TXLNB: variants seen among roughly 807,000 people sequenced by gnomAD.
The protein encoded by TXLNB is taxilin beta, also known as beta-taxilin.
In TXLNB, 37 loss-of-function variants were observed where a neutral mutation model predicts 57.4. The ratio of observed to expected loss-of-function variants is 0.64; its 90% CI spans 0.50 to 0.85. TXLNB has a LOEUF of 0.85. Among genes scored for constraint, TXLNB ranks in the 40% least tolerant of loss-of-function variants. The probability of loss-of-function intolerance (pLI) is 0.00; values close to 1 mark genes in which losing one functional copy is unlikely to be tolerated. For synonymous variants in TXLNB, 302 were observed against 309.6 expected (o/e 0.98, Z 0.26); for missense variants, 848 against 825.6 (o/e 1.03, Z -0.33).
intron 2 of TXLNB, among the ~76,000 whole-genome samples, chr6:139,280,228 G>T (rs1281280270): frequency 6.9e-6 from 1 of 144,536 alleles, no homozygotes; most frequent in Non-Finnish European, 1.5e-5. Flanking sequence ...CTCCGGCCTG[G>T]CAACAGAGCA....
At chr6:139,232,643 A>G in the TXLNB span, among the ~76,000 whole-genome samples, 739 of 152,340 alleles carry the variant, frequency 4.9e-3, 7 homozygotes, top group Admixed American at 0.012. Flanking sequence ...CTTAATAGGT[A>G]TGAAACAGAT....
the TXLNB span, among the ~76,000 whole-genome samples, chr6:139,210,934 A>T: frequency 1.3e-5 from 2 of 152,168 alleles, no homozygotes; most frequent in Non-Finnish European, 2.9e-5. Flanking sequence ...AGGCTGGGGG[A>T]GGGGCACCTG....
chr6:139,193,847 T>A, the TXLNB span, among the ~76,000 whole-genome samples: 1,623 of 85,144 alleles, frequency 0.019, 15 homozygotes, highest in African/African-American at 0.024. Context: ...TATATTTTTT[T>A]TTTTTTTTTT....
the TXLNB span, among the ~76,000 whole-genome samples, chr6:139,210,662 G>A: frequency 4.9e-4 from 74 of 152,354 alleles, 1 homozygote; most frequent in Admixed American, 1.1e-3. Flanking sequence ...TGCACCGTGC[G>A]TGAGCCAAAG....
the TXLNB span, among the ~76,000 whole-genome samples, chr6:139,318,256 T>C: frequency 0.46 from 59,001 of 129,178 alleles, 14,481 homozygotes; most frequent in African/African-American, 0.7. Flanking sequence ...AGTGACAGAG[T>C]GAGACTCTGT....
At chr6:139,259,980 T>C (rs968407486) in intron 6 of TXLNB, among the ~76,000 whole-genome samples, 6 of 152,156 alleles carry the variant, frequency 3.9e-5, no homozygotes, top group Non-Finnish European at 7.3e-5. Flanking sequence ...CCCAGCACTT[T>C]GGGAGGCCGA....
the TXLNB span, chr6:139,177,010 G>A: frequency 1.1e-6 from 1 of 872,852 alleles, no homozygotes; most frequent in Non-Finnish European, 2.0e-6. The surrounding 1 kb of genome is among the most constrained non-coding windows in gnomAD (Gnocchi z 4.9). Flanking sequence ...GTACTTCTCC[G>A]AATATAGCAA....
the TXLNB span, among the ~76,000 whole-genome samples, chr6:139,187,845 C>G: frequency 6.6e-6 from 1 of 152,156 alleles, no homozygotes; most frequent in Admixed American, 6.5e-5. Flanking sequence ...TCCTTACTTC[C>G]CTCACCTGTA....
the TXLNB span, chr6:139,180,646 A>G: frequency 1.3e-5 from 2 of 152,740 alleles, no homozygotes; most frequent in African/African-American, 4.8e-5. Flanking sequence ...TTTCTTGTCA[A>G]GATGTCTTGG....
chr6:139,266,488 T>C (rs1420375930), intron 4 of TXLNB, among the ~76,000 whole-genome samples: 2 of 151,314 alleles, frequency 1.3e-5, no homozygotes, highest in East Asian at 3.9e-4. Flanking sequence ...AGAATGAAAA[T>C]GAGAGAGAAA....
At chr6:139,202,732 AGTT>A in the TXLNB span, among the ~76,000 whole-genome samples, 3 of 152,196 alleles carry the variant, frequency 2.0e-5, no homozygotes, top group East Asian at 5.8e-4. Context: ...CATCTCTTCT[AGTT>A]GTTTGAAAAT....
At chr6:139,188,568 C>A in the TXLNB span, among the ~76,000 whole-genome samples, 1 of 152,084 alleles carries the variant, frequency 6.6e-6, no homozygotes, top group Non-Finnish European at 1.5e-5. Context: ...ATAAGGTTTG[C>A]ATTTTTGTAT....
At chr6:139,233,672 G>A in the TXLNB span, among the ~76,000 whole-genome samples, 1 of 152,066 alleles carries the variant, frequency 6.6e-6, no homozygotes, top group Admixed American at 6.6e-5. Flanking sequence ...TAAGTTTCCT[G>A]AGGCCTCCCC....
the TXLNB span, among the ~76,000 whole-genome samples, chr6:139,207,966 G>A: frequency 6.6e-6 from 1 of 152,032 alleles, no homozygotes; most frequent in Non-Finnish European, 1.5e-5. Context: ...ATCCCAGCTA[G>A]TCAGGAGGCT....
At chr6:139,173,376 A>AG in the TXLNB span, among the ~76,000 whole-genome samples, 1 of 152,172 alleles carries the variant, frequency 6.6e-6, no homozygotes, top group African/African-American at 2.4e-5. Context: ...TCAAGGAGGA[A>AG]GGGGGTCATG....
the TXLNB span, among the ~76,000 whole-genome samples, chr6:139,187,146 A>T: frequency 1.3e-5 from 2 of 152,126 alleles, no homozygotes. Context: ...AGAAAAAAAT[A>T]CCCTCTTCTC....
chr6:139,239,685 A>G (rs949242285), downstream of TXLNB: 3 of 151,882 alleles, frequency 2.0e-5, no homozygotes, highest in African/African-American at 7.3e-5. The surrounding 1 kb of genome is among the most constrained non-coding windows in gnomAD (Gnocchi z 4.7). Flanking sequence ...TTTTGTAGAG[A>G]TGGGGGTTTA....
chr6:139,306,449 G>T, the TXLNB span, among the ~76,000 whole-genome samples: 1 of 152,204 alleles, frequency 6.6e-6, no homozygotes, highest in African/African-American at 2.4e-5. Flanking sequence ...CTATACAAAA[G>T]GTGCCTGCCA....
chr6:139,295,227 C>A (rs1366610094), upstream of TXLNB, among the ~76,000 whole-genome samples: 2 of 152,062 alleles, frequency 1.3e-5, no homozygotes, highest in Non-Finnish European at 2.9e-5. Flanking sequence ...GAAAATAATA[C>A]AAACATGCAA....
Sources: allele counts gnomAD v4.1 joint callset (sites outside exome capture counted in the v4.1 genomes callset), GRCh38; gene constraint gnomAD v4.1.1; non-coding constraint Gnocchi (gnomAD v3.1); transcripts MANE v1.5; gene names NCBI Gene and HGNC (gene_info 2026-07-23, HGNC 2026-07-21).